Variants in PTPRN2 observed in about 807,000 individuals in gnomAD.
PTPRN2 encodes the protein receptor-type tyrosine-protein phosphatase N2.
Under a neutral mutation model 118.8 loss-of-function variants are expected in PTPRN2, and 74 were observed. That is an observed-to-expected ratio of 0.62 (90% CI 0.52 to 0.76). PTPRN2 has a LOEUF of 0.76. Ranked by LOEUF, PTPRN2 falls within the 30% of genes least tolerant of loss-of-function variation. The pLI is 0.00. For synonymous variants in PTPRN2, 641 were observed against 608.0 expected, an observed-to-expected ratio of 1.05 and a Z score of -0.80; for missense variants, 1,481 against 1,394.4, an observed-to-expected ratio of 1.06 and a Z score of -0.99.
intron 22 of PTPRN2, among the ~76,000 whole-genome samples, chr7:157,545,482 G>C (rs1056690843): frequency 1.3e-5 from 2 of 151,534 alleles, no homozygotes; most frequent in Non-Finnish European, 2.9e-5. Flanking sequence ...CTGCGTGTGG[G>C]TGTGCGCAGT....
intron 3 of PTPRN2, among the ~76,000 whole-genome samples, chr7:158,225,872 T>G (rs1216054961): frequency 1.4e-5 from 2 of 144,164 alleles, no homozygotes; most frequent in Non-Finnish European, 1.5e-5. Context: ...CAGGGGATGG[T>G]GTATGACATG....
intron 12 of PTPRN2, among the ~76,000 whole-genome samples, chr7:157,809,247 C>T (rs888143368): frequency 1.3e-5 from 2 of 151,556 alleles, no homozygotes; most frequent in African/African-American, 4.9e-5. Flanking sequence ...GGGGCTCAGC[C>T]CTGAGCGAGG....
chr7:157,954,699 G>A (rs752616975), intron 11 of PTPRN2, among the ~76,000 whole-genome samples: 3 of 152,236 alleles, frequency 2.0e-5, no homozygotes, highest in East Asian at 3.9e-4. Context: ...GCGAGGCCCC[G>A]CCTCCCTGCC....
At chr7:157,846,799 A>G (rs1366082689) in intron 12 of PTPRN2, among the ~76,000 whole-genome samples, 1 of 150,032 alleles carries the variant, frequency 6.7e-6, no homozygotes, top group East Asian at 2.0e-4. Flanking sequence ...TGCGTGCCCG[A>G]TATCTACAGA....
intron 12 of PTPRN2, among the ~76,000 whole-genome samples, chr7:157,782,650 A>C (rs1417846241): frequency 6.6e-6 from 1 of 152,246 alleles, no homozygotes; most frequent in Non-Finnish European, 1.5e-5. Context: ...TCCCTGAAAG[A>C]ACGACGAGTG....
chr7:158,270,779 G>T (rs1798291546), intron 3 of PTPRN2, among the ~76,000 whole-genome samples: 1 of 117,338 alleles, frequency 8.5e-6, no homozygotes, highest in East Asian at 2.4e-4. Flanking sequence ...CGTCCACCTG[G>T]ACCACCCCTC....
intron 3 of PTPRN2, among the ~76,000 whole-genome samples, chr7:158,270,697 C>T (rs952924992): frequency 2.6e-5 from 4 of 151,664 alleles, no homozygotes; most frequent in African/African-American, 9.7e-5. Flanking sequence ...TGCTGGGCCA[C>T]CCCTCTACTG....
chr7:157,790,647 C>T (rs1804428844), intron 12 of PTPRN2, among the ~76,000 whole-genome samples: 1 of 152,204 alleles, frequency 6.6e-6, no homozygotes, highest in South Asian at 2.1e-4. Flanking sequence ...ATTAAAAAGT[C>T]AGATAGGTCA....
intron 14 of PTPRN2, among the ~76,000 whole-genome samples, chr7:157,648,533 G>T (rs1805309780): frequency 7.4e-6 from 1 of 135,704 alleles, no homozygotes; most frequent in East Asian, 3.2e-4. Context: ...CGGTGGGTCA[G>T]ACCCTTTCAC....
At chr7:157,991,784 G>C (rs1328529275) in intron 11 of PTPRN2, among the ~76,000 whole-genome samples, 1 of 151,600 alleles carries the variant, frequency 6.6e-6, no homozygotes, top group Non-Finnish European at 1.5e-5. Flanking sequence ...CACCAAGCAA[G>C]AGTGAGATTA....
intron 15 of PTPRN2, among the ~76,000 whole-genome samples, chr7:157,607,282 G>A (rs1353138556): frequency 2.6e-5 from 4 of 152,350 alleles, no homozygotes; most frequent in Non-Finnish European, 4.4e-5. Context: ...CACAGACACC[G>A]CAGCCAGAGA....
At chr7:157,555,600 C>A (rs1798837811) in intron 21 of PTPRN2, among the ~76,000 whole-genome samples, 1 of 152,220 alleles carries the variant, frequency 6.6e-6, no homozygotes, top group Non-Finnish European at 1.5e-5. Flanking sequence ...CTTCCGGCAG[C>A]CTGTTCATGG....
At chr7:157,563,604 G>A (rs55724018) in intron 21 of PTPRN2, among the ~76,000 whole-genome samples, 13 of 68,700 alleles carry the variant, frequency 1.9e-4, no homozygotes, top group East Asian at 4.7e-4. Context: ...CACACCACAT[G>A]CAGCAGATCA....
At position 158,350,414 on chromosome 7, in the gene PTPRN2, A is replaced by C. The variant is rs541431967; in HGVS notation, c.164-33482T>G. On this transcript the variant is annotated intron_variant, in intron 2 of 22. Coordinates refer to ENST00000389418, the MANE Select transcript of PTPRN2 (RefSeq NM_002847.5). ...AGGGAGGTTGGAATGAAACCTCAGAAGGATGGAGAGGCTGCTCAGAAGATG... is the reference window on the plus strand; with the variant it reads ...AGGGAGGTTGGAATGAAACCTCAGACGGATGGAGAGGCTGCTCAGAAGATG... Among the ~76,000 whole-genome samples the C allele has an allele frequency of 8.1e-4, 124 of 152,360 alleles. 1 individual carries two copies. Among genetic ancestry groups the C allele is most frequent in the African/African-American group, 2.7e-3 (111 of 41,582 alleles).
At chr7:158,271,181 T>C (rs1798494401) in intron 3 of PTPRN2, among the ~76,000 whole-genome samples, 1 of 150,940 alleles carries the variant, frequency 6.6e-6, no homozygotes, top group East Asian at 1.9e-4. Flanking sequence ...TCGACTCTAG[T>C]GGGTGGCCAG....
chr7:157,552,074 C>A (rs550892438), intron 21 of PTPRN2, among the ~76,000 whole-genome samples: 7 of 150,116 alleles, frequency 4.7e-5, no homozygotes, highest in African/African-American at 1.7e-4. Context: ...ACAGCCACCA[C>A]ATACCCTACA....
rs777021070 is a variant in PTPRN2 at position 157,780,400 on chromosome 7, G to C, written c.1789-97463C>G. Among the ~76,000 whole-genome samples the C allele has an allele frequency of 1.3e-5, 2 of 152,164 alleles. No homozygotes were observed. The highest frequency in any genetic ancestry group is 4.8e-5 in the African/African-American group (2 of 41,442). Reference sequence around the variant, plus strand: ...ATATAAGGGGTGGCGGCTGCTCAGCGAGGCCTCAGGAGTGTGAAGGAGGCT... The same window carrying C: ...ATATAAGGGGTGGCGGCTGCTCAGCCAGGCCTCAGGAGTGTGAAGGAGGCT... On this transcript the variant is annotated intron_variant, in intron 12 of 22. Transcript: ENST00000389418. This position sits in a 1 kb window ranked among gnomAD's most constrained non-coding sequence, Gnocchi z 4.5.
chr7:158,347,178 G>A (rs1367841329), intron 2 of PTPRN2, among the ~76,000 whole-genome samples: 1 of 152,164 alleles, frequency 6.6e-6, no homozygotes, highest in South Asian at 2.1e-4. Context: ...TGTTGCCCAG[G>A]ATAATGTTAT....
chr7:158,112,004 C>A (rs945346863), intron 9 of PTPRN2, among the ~76,000 whole-genome samples: 1 of 152,172 alleles, frequency 6.6e-6, no homozygotes, highest in Non-Finnish European at 1.5e-5. Context: ...GGGGAGAAAC[C>A]ACCCACAAGC....
Sources: allele counts gnomAD v4.1 joint callset (sites outside exome capture counted in the v4.1 genomes callset), GRCh38; gene constraint gnomAD v4.1.1; non-coding constraint Gnocchi (gnomAD v3.1); transcripts MANE v1.5; gene names NCBI Gene and HGNC (gene_info 2026-07-23, HGNC 2026-07-21).